The following KCNH2 variants were observed in gnomAD, a reference collection of about 807,000 sequenced individuals.
The protein encoded by KCNH2 is voltage-gated inwardly rectifying potassium channel KCNH2.
Under a neutral mutation model 95.9 loss-of-function variants are expected in KCNH2, and 35 were observed. The observed-to-expected ratio is 0.37, with a 90% CI of 0.28 to 0.48. The LOEUF (loss-of-function observed/expected upper bound fraction) is 0.48. Among genes scored for constraint, KCNH2 ranks in the 20% least tolerant of loss-of-function variants. The pLI is 0.99. For missense variants in KCNH2, 1,274 were observed against 1,702.9 expected (o/e 0.75, Z 4.43); for synonymous variants, 786 against 754.7 (o/e 1.04, Z -0.68).
intron 11 of KCNH2, 63 bp from the exon 12 acceptor site, chr7:150,947,941 G>A: frequency 6.7e-7 from 1 of 1,498,160 alleles, no homozygotes; most frequent in South Asian, 1.3e-5. Context: ...GGGCGAGGGT[G>A]GAGGAGGGGA....
Position 150,957,497 on chromosome 7 carries a change from T to C in KCNH2, c.922A>G (p.Met308Val), listed in dbSNP as rs1393487302. 8 of 1,611,860 alleles carry C rather than the reference T, an allele frequency of 5.0e-6. No homozygotes were observed. The highest frequency in any genetic ancestry group is 4.5e-5 in the East Asian group (2 of 44,736). Reference protein sequence around the residue: ...PPPRHASTGAMHPLRSGLLNS... With the variant: ...PPPRHASTGAVHPLRSGLLNS... ...AGCAAGCCGCTGCGCAGTGGGTGCA[T>C]GGCCCCTAGGTGGAGAGGCAGCGTG... The change falls in exon 5 of 15, where the codon ATG (methionine) becomes GTG (valine). Residue 308 changes from methionine (M) to valine (V), a missense_variant. Met to Val is a conservative substitution (Grantham distance 21). Transcript: ENST00000262186.
chr7:150,952,314 C>CTCTTTCTT lies in KCNH2; in HGVS notation c.1557+110_1557+111insAAGAAAGA. 8.7e-7 allele frequency: 1 copy of CTCTTTCTT among 1,150,486 alleles called. No individual in the cohort carries two copies. Among genetic ancestry groups the CTCTTTCTT allele is most frequent in the South Asian group, 1.3e-5 (1 of 75,794 alleles). 71.3% of individuals were successfully genotyped at this position (1,150,486 alleles called of 1,614,324 possible). A position where few individuals can be genotyped will look rare whatever the true frequency, so the allele number is the denominator to read the frequency against. On this transcript the variant is annotated intron_variant, in intron 6 of 14. Coordinates refer to ENST00000262186, the MANE Select transcript of KCNH2 (RefSeq NM_000238.4). The surrounding 1 kb of genome is among the most constrained non-coding windows in gnomAD (Gnocchi z 7.3). The stretch of plus-strand genomic sequence containing the variant: ...TCTCCCACTGTCTTTCTCTCTTTCT[C>CTCTTTCTT]TCTCTCTCTCTTTTTCTCTGTCCTC...
rs769076001 is a variant in KCNH2, at chr7:150,950,234, C to A, written c.2332G>T (p.Ala778Ser). The A allele has an allele frequency of 1.2e-6, 2 of 1,612,158 alleles. No individual in the cohort carries two copies. Among genetic ancestry groups the A allele is most frequent in the Non-Finnish European group, 1.7e-6 (2 of 1,179,036 alleles). Residue 778 changes from alanine to serine, a missense_variant, in exon 9 of 15, where the codon GCC (alanine) becomes TCC (serine). By Grantham distance (99) the Ala-to-Ser change is moderately conservative. Coordinates refer to ENST00000262186, the MANE Select transcript of KCNH2 (RefSeq NM_000238.4). ...GAGCCCCGGGAGATGAAGTACAGGG[C>A]GGTGAGCAGGTCCCCAGCATGCACC... ...TLVHAGDLLT[A>S]LYFISRGSIE...
At chr7:150,958,601 A>G in intron 3 of KCNH2, 99 bp from the exon 4 acceptor site, 3 of 1,001,292 alleles carry the variant, frequency 3.0e-6, no homozygotes, top group Admixed American at 3.8e-5. Flanking sequence ...TAAGGGAAGG[A>G]GGGGAACGGG....
rs36121618 is a variant in KCNH2 at position 150,961,308 on chromosome 7, T to TC, written c.308-1573_308-1572insG. ...ACCCAGCCTCACTTTTTTTTTTTTTTTTTTTCTGAGACAGGGTTTCACTCT... is the reference window on the plus strand; with the variant it reads ...ACCCAGCCTCACTTTTTTTTTTTTTTCTTTTTCTGAGACAGGGTTTCACTCT... On this transcript the variant is annotated intron_variant, in intron 2 of 14. Transcript: ENST00000262186. The surrounding 1 kb of genome is among the most constrained non-coding windows in gnomAD (Gnocchi z 6.2). Among the ~76,000 whole-genome samples, 41,960 of 148,952 alleles carry TC rather than the reference T, an allele frequency of 0.28. 6,572 individuals carry two copies. The highest frequency in any genetic ancestry group is 0.64 in the East Asian group (3,232 of 5,028).
At chr7:150,957,972 G>C in intron 4 of KCNH2, 87 bp downstream of exon 4, 10 of 1,098,282 alleles carry the variant, frequency 9.1e-6, no homozygotes, top group Non-Finnish European at 1.2e-5. Context: ...GTAGTGAAAA[G>C]GTCAGAAGCC....
In KCNH2 at chr7:150,947,392, G is replaced by T; in HGVS notation, c.3088C>A (p.Pro1030Thr). The T allele has an allele frequency of 4.5e-6, 7 of 1,550,652 alleles. No individual in the cohort carries two copies. The highest frequency in any genetic ancestry group is 6.1e-6 in the Non-Finnish European group (7 of 1,147,578). ...PSLLNIPLSS[P>T]GRRPRGDVES... ...ACGTCGCCCCGGGGCCGCCGACCCG[G>T]GCTGGAGAGGGGGATGTTGAGGAGG... Residue 1030 changes from proline to threonine, a missense_variant, in exon 13 of 15, where the codon CCG (proline) becomes ACG (threonine). Physicochemically the swap from Pro to Thr is conservative, Grantham distance 38. This residue lies in a region of KCNH2 where 457 missense variants were observed against 416.1 expected (regional missense o/e 1.10). Transcript: ENST00000262186.
chr7:150,967,254 G>C (rs1002500999), intron 2 of KCNH2, among the ~76,000 whole-genome samples: 2 of 152,076 alleles, frequency 1.3e-5, no homozygotes, highest in Non-Finnish European at 2.9e-5. Context: ...ACTCCAGCCT[G>C]GGCAACAGAG....
intron 1 of KCNH2, 93 bp downstream of exon 1, chr7:150,977,745 G>A: frequency 2.8e-6 from 3 of 1,078,014 alleles, no homozygotes; most frequent in South Asian, 1.4e-5. Flanking sequence ...ACTTGCCGAC[G>A]CACACGGCCC....
At chr7:150,963,547 T>C (rs1023756053) in intron 2 of KCNH2, among the ~76,000 whole-genome samples, 1 of 152,058 alleles carries the variant, frequency 6.6e-6, no homozygotes, top group African/African-American at 2.4e-5. Flanking sequence ...ATGTGGCTAA[T>C]GCCAGAACAC....
chr7:150,974,611 GC>G (rs1801923911), intron 2 of KCNH2, 99 bp downstream of exon 2: 1 of 795,730 alleles, frequency 1.3e-6, no homozygotes. Context: ...TTCTCCAGCC[GC>G]CCCCACACCC....
chr7:150,958,362 G>T lies in KCNH2; in HGVS notation c.613C>A (p.Pro205Thr), dbSNP rs939574819. Reference protein sequence around the residue: ...VVDVDLTPAAPSSESLALDEV... With the variant: ...VVDVDLTPAATSSESLALDEV... ...TCCAGGGCCAGCGACTCGCTGCTGG[G>T]TGCCGCGGGCGTCAGGTCCACGTCC... is the stretch of plus-strand genomic sequence containing the variant. Residue 205 changes from proline (P) to threonine (T), a missense_variant, in exon 4 of 15, where the codon CCC becomes ACC. Physicochemically the swap from Pro to Thr is conservative, Grantham distance 38. Around this residue, in one of 7 missense-constraint regions of KCNH2, gnomAD observed 392 missense variants for 429.9 expected, o/e 0.91. Coordinates refer to ENST00000262186, the MANE Select transcript of KCNH2 (RefSeq NM_000238.4). 17 of 1,484,300 alleles carry T rather than the reference G, an allele frequency of 1.1e-5. No individual in the cohort carries two copies. The highest frequency in any genetic ancestry group is 1.2e-5 in the Non-Finnish European group (13 of 1,124,672). The allele number at this position is 1,484,300 out of a possible 1,614,324, so 91.9% of individuals were successfully genotyped here.
chr7:150,977,678 C>G lies in KCNH2; in HGVS notation c.76+160G>C, dbSNP rs945315344. On this transcript the variant is annotated intron_variant, in intron 1 of 14. Coordinates refer to ENST00000262186, the MANE Select transcript of KCNH2 (RefSeq NM_000238.4). ...TGCCCACGGCCCCGGTGCACCAAGC[C>G]TTGCCCCCGCCGTCCCCTCGCCAAA... 2.0e-5 allele frequency among the ~76,000 whole-genome samples: 3 copies of G among 151,944 alleles called. 1 individual carries two copies. The highest frequency in any genetic ancestry group is 7.2e-5 in the African/African-American group (3 of 41,464).
intron 2 of KCNH2, among the ~76,000 whole-genome samples, chr7:150,974,399 C>T (rs116568934): frequency 2.6e-5 from 4 of 152,202 alleles, no homozygotes; most frequent in Admixed American, 2.6e-4. Context: ...TAACTCTAGT[C>T]CAACTTGCTC....
chr7:150,960,790 G>A (rs1031445077), intron 2 of KCNH2, among the ~76,000 whole-genome samples: 1 of 152,082 alleles, frequency 6.6e-6, no homozygotes, highest in African/African-American at 2.4e-5. Context: ...ACCAGATGAG[G>A]TCAGTCCCCT....
At chr7:150,976,105 G>A (rs1050988074) in intron 1 of KCNH2, among the ~76,000 whole-genome samples, 4 of 152,188 alleles carry the variant, frequency 2.6e-5, no homozygotes, top group Non-Finnish European at 5.9e-5. Flanking sequence ...AGAAGTTTCC[G>A]GCCACTTTGG....
rs199472910 is a variant in KCNH2 at position 150,952,508 on chromosome 7, G to A, written c.1474C>T (p.His492Tyr). The change falls in exon 6 of 15, where the codon CAC becomes TAC. Residue 492 changes from histidine to tyrosine, a missense_variant. His to Tyr is a moderately conservative substitution (Grantham distance 83). Around this residue, in one of 7 missense-constraint regions of KCNH2, gnomAD observed 147 missense variants for 344.4 expected, o/e 0.43. Coordinates refer to ENST00000262186, the MANE Select transcript of KCNH2 (RefSeq NM_000238.4). The surrounding 1 kb of genome is among the most constrained non-coding windows in gnomAD (Gnocchi z 7.3). The stretch of plus-strand genomic sequence containing the variant: ...ATGAGGAACCAGCCCTTGAAGTAGT[G>A]GACGGCGATGCGGCCGGGGTGGCTG... The part of the protein sequence containing the change: ...VVSHPGRIAV[H>Y]YFKGWFLIDM... 16 of 1,614,152 alleles carry A rather than the reference G, an allele frequency of 9.9e-6. No individual in the cohort carries two copies. The East Asian group carries it at 3.6e-4, about 36-fold the overall frequency.
Position 150,958,201 on chromosome 7 carries a change from G to C in KCNH2, c.774C>G (p.Pro258=), listed in dbSNP as rs1554427740. 3.7e-6 allele frequency: 5 copies of C among 1,364,756 alleles called. No individual in the cohort carries two copies. Among genetic ancestry groups the C allele is most frequent in the Admixed American group, 3.3e-5 (1 of 30,452 alleles). 84.5% of individuals were successfully genotyped at this position (1,364,756 alleles called of 1,614,324 possible). ...GGCTGCAGCTGGAGCCCGAGGCGTC[G>C]GGGTTGAGGCTGTGCGCCCGGGGCG... ...LPSPRAHSLN[P]DASGSSCSLA... The change falls in exon 4 of 15, where the codon CCC becomes CCG. Residue 258 remains proline, a synonymous_variant. Coordinates refer to ENST00000262186, the MANE Select transcript of KCNH2 (RefSeq NM_000238.4).
Position 150,952,488 on chromosome 7 carries a change from G to C in KCNH2, c.1494C>G (p.Phe498Leu). Residue 498 changes from phenylalanine to leucine, a missense_variant, in exon 6 of 15, where the codon TTC becomes TTG. Around this residue, in one of 7 missense-constraint regions of KCNH2, gnomAD observed 147 missense variants for 344.4 expected, o/e 0.43. Coordinates refer to ENST00000262186, the MANE Select transcript of KCNH2 (RefSeq NM_000238.4). This position sits in a 1 kb window ranked among gnomAD's most constrained non-coding sequence, Gnocchi z 7.3. ...GGATGGCGGCCACCATGTCGATGAG[G>C]AACCAGCCCTTGAAGTAGTGGACGG... ...RIAVHYFKGW[F>L]LIDMVAAIPF... is the part of the protein sequence containing the mutation. 6.2e-7 allele frequency: 1 copy of C among 1,614,154 alleles called. No individual in the cohort carries two copies. The highest frequency in any genetic ancestry group is 8.5e-7 in the Non-Finnish European group (1 of 1,180,024).
Sources: allele counts gnomAD v4.1 joint callset (sites outside exome capture counted in the v4.1 genomes callset), GRCh38; gene constraint gnomAD v4.1.1; regional missense constraint gnomAD v4.1.1; non-coding constraint Gnocchi (gnomAD v3.1); transcripts MANE v1.5; gene names NCBI Gene and HGNC (gene_info 2026-07-23, HGNC 2026-07-21).